The following SPIDR variants were observed in gnomAD, a reference collection of about 807,000 sequenced individuals.
SPIDR encodes the protein scaffold protein involved in DNA repair.
A neutral mutation model predicts 104.6 loss-of-function variants in SPIDR; 93 were observed. The ratio of observed to expected loss-of-function variants is 0.89; its 90% confidence interval spans 0.75 to 1.06. The LOEUF is 1.06. SPIDR is among the 50% of genes least tolerant of loss of function. The probability of loss-of-function intolerance (pLI) is 0.00; values close to 1 mark genes in which losing one functional copy is unlikely to be tolerated. For synonymous variants in SPIDR, 431 were observed against 416.9 expected (o/e 1.03, Z -0.41); for missense variants, 1,154 against 1,111.2 (o/e 1.04, Z -0.55).
intron 5 of SPIDR, among the ~76,000 whole-genome samples, chr8:47,350,715 T>C (rs1260584456): frequency 6.6e-6 from 1 of 152,228 alleles, no homozygotes; most frequent in Non-Finnish European, 1.5e-5. Context: ...GCCCTCATCA[T>C]ACTATGGTCA....
At chr8:47,332,847 G>T (rs1220194535) in intron 5 of SPIDR, among the ~76,000 whole-genome samples, 1 of 116,154 alleles carries the variant, frequency 8.6e-6, no homozygotes, top group Non-Finnish European at 1.7e-5. Context: ...TGATGGGGTT[G>T]TTTGTTTTTT....
intron 8 of SPIDR, among the ~76,000 whole-genome samples, chr8:47,583,639 A>G (rs867764174): frequency 6.6e-6 from 1 of 152,348 alleles, no homozygotes; most frequent in African/African-American, 2.4e-5. Context: ...GGTACTATAG[A>G]TATGAATGTT....
Position 47,655,519 on chromosome 8 carries a change from T to C in SPIDR, c.1545-18282T>C, listed in dbSNP as rs538321459. ...CATGTGTCTTTTGGCTGCATAAATG[T>C]CTTCTTTTGAGAAGTGTCTGTTCAT... On this transcript the variant is annotated intron_variant, in intron 10 of 19. Coordinates refer to ENST00000297423, the MANE Select transcript of SPIDR (RefSeq NM_001080394.4). Among the ~76,000 whole-genome samples the C allele has an allele frequency of 2.5e-3, 388 of 152,354 alleles. 3 individuals are homozygous for C. Among genetic ancestry groups the C allele is most frequent in the African/African-American group, 9.1e-3 (378 of 41,572 alleles).
rs200264235 is a variant in SPIDR at position 47,598,951 on chromosome 8, G to T, written c.1299G>T (p.Val433=). 6 of 1,613,864 alleles carry T rather than the reference G, an allele frequency of 3.7e-6. No individual in the cohort carries two copies. The highest frequency in any genetic ancestry group is 3.4e-6 in the Non-Finnish European group (4 of 1,179,952). The change falls in exon 10 of 20, where the codon GTG becomes GTT. Residue 433 remains valine, a synonymous_variant. Transcript: ENST00000297423. ...LTNNSPEIQV[V]CSGVATTGTA... is the part of the protein sequence containing the mutation. Reference sequence around the variant, plus strand: ...CCTTTATGTGTCTTGGCCAGGTTGTGTGTAGTGGTGTAGCCACTACAGGGA... The same window carrying T: ...CCTTTATGTGTCTTGGCCAGGTTGTTTGTAGTGGTGTAGCCACTACAGGGA...
intron 2 of SPIDR, 68 bp downstream of exon 2, chr8:47,280,085 A>G: frequency 6.7e-7 from 1 of 1,481,496 alleles, no homozygotes; most frequent in South Asian, 1.3e-5. Context: ...AGAACATTGT[A>G]ATTACATTTC....
intron 5 of SPIDR, among the ~76,000 whole-genome samples, chr8:47,392,507 G>T (rs191107564): frequency 6.4e-4 from 98 of 152,300 alleles, no homozygotes; most frequent in African/African-American, 2.1e-3. Flanking sequence ...GTGGGTAGTT[G>T]GCATTCAGTA....
intron 10 of SPIDR, among the ~76,000 whole-genome samples, chr8:47,624,482 A>G (rs1419535528): frequency 6.6e-6 from 1 of 152,198 alleles, no homozygotes; most frequent in Non-Finnish European, 1.5e-5. Flanking sequence ...AAATTGATAG[A>G]CCACTAGCAA....
intron 8 of SPIDR, among the ~76,000 whole-genome samples, chr8:47,588,744 T>G (rs919351476): frequency 6.6e-6 from 1 of 152,228 alleles, no homozygotes; most frequent in Non-Finnish European, 1.5e-5. Flanking sequence ...GAAGTTCTCT[T>G]TCTGATTTCA....
At chr8:47,497,116 C>G (rs979048163) in intron 8 of SPIDR, among the ~76,000 whole-genome samples, 1 of 152,002 alleles carries the variant, frequency 6.6e-6, no homozygotes, top group Non-Finnish European at 1.5e-5. Context: ...CTTGGTCACC[C>G]TAGCTAATAG....
intron 6 of SPIDR, among the ~76,000 whole-genome samples, chr8:47,401,392 A>G (rs2061863964): frequency 6.6e-6 from 1 of 152,234 alleles, no homozygotes; most frequent in Non-Finnish European, 1.5e-5. Context: ...CAAATTGTAA[A>G]GACCATTGAG....
intron 2 of SPIDR, 90 bp downstream of exon 2, chr8:47,280,107 C>G (rs1586255766): frequency 7.7e-7 from 1 of 1,292,214 alleles, no homozygotes; most frequent in African/African-American, 1.5e-5. Flanking sequence ...TTGTAATTCC[C>G]TTTCTTATTC....
At chr8:47,650,952 C>G (rs1316521389) in intron 10 of SPIDR, among the ~76,000 whole-genome samples, 1 of 152,116 alleles carries the variant, frequency 6.6e-6, no homozygotes, top group Non-Finnish European at 1.5e-5. Flanking sequence ...AAAATAAACT[C>G]AAGATGGATC....
chr8:47,622,884 A>G (rs1274675642), intron 10 of SPIDR, among the ~76,000 whole-genome samples: 1 of 152,134 alleles, frequency 6.6e-6, no homozygotes, highest in African/African-American at 2.4e-5. Context: ...GGCCATGTTC[A>G]CTTAGCCACA....
chr8:47,502,650 G>T (rs1471571605), intron 8 of SPIDR, among the ~76,000 whole-genome samples: 1 of 152,092 alleles, frequency 6.6e-6, no homozygotes, highest in Non-Finnish European at 1.5e-5. Context: ...GTTCTGCTCT[G>T]ATCTTAGTTA....
chr8:47,700,465 C>T lies in SPIDR; in HGVS notation c.1748C>T (p.Pro583Leu), dbSNP rs745697126. ...CCCCCAGCGATACCTCTGAAAACAC[C>T]TGGCCGCGACCAGCCCTGTGAAGAG... ...LWPPAIPLKT[P>L]GRDQPCEEIK... is the part of the protein sequence containing the mutation. Residue 583 changes from proline to leucine, a missense_variant, in exon 12 of 20, where the codon CCT becomes CTT. Transcript: ENST00000297423. 2 of 1,614,082 alleles carry T rather than the reference C, an allele frequency of 1.2e-6. No homozygotes were observed. The highest frequency in any genetic ancestry group is 2.2e-5 in the East Asian group (1 of 44,896).
intron 1 of SPIDR, among the ~76,000 whole-genome samples, chr8:47,279,043 T>C (rs965912574): frequency 6.6e-6 from 1 of 150,742 alleles, no homozygotes; most frequent in East Asian, 2.0e-4. Flanking sequence ...TGTGCCACCA[T>C]GCCCAGCTCA....
chr8:47,547,041 G>T (rs1165898226), intron 8 of SPIDR: 7 of 506,564 alleles, frequency 1.4e-5, no homozygotes, highest in Admixed American at 2.4e-5. Context: ...AGCACCTCCA[G>T]TCACCATCCA....
chr8:47,721,765 G>A (rs574768240), intron 16 of SPIDR, among the ~76,000 whole-genome samples: 27 of 152,070 alleles, frequency 1.8e-4, no homozygotes, highest in African/African-American at 5.1e-4. Context: ...GTGAGCCACC[G>A]CGCCCGGCCA....
chr8:47,524,544 CCCT>C (rs1405603424), intron 8 of SPIDR, among the ~76,000 whole-genome samples: 1 of 152,188 alleles, frequency 6.6e-6, no homozygotes, highest in Non-Finnish European at 1.5e-5. Flanking sequence ...TTGCGTGTGT[CCCT>C]CCTCAGAGCC....
Sources: gnomAD v4.1 joint callset for allele counts (sites outside exome capture counted in the v4.1 genomes callset) on GRCh38, gnomAD v4.1.1 for gene constraint, MANE v1.5 for transcripts, NCBI Gene and HGNC (gene_info 2026-07-23, HGNC 2026-07-21) for gene names.